The following DIPK1A variants were observed in gnomAD, a reference collection of about 807,000 sequenced individuals.
The protein encoded by DIPK1A is family with sequence similarity 69 member A.
DIPK1A carries 27 observed loss-of-function variants against 40.8 expected under a neutral mutation model. The observed-to-expected ratio is 0.66, with a 90% confidence interval of 0.49 to 0.91. The LOEUF (loss-of-function observed/expected upper bound fraction) is 0.91. Among genes scored for constraint, DIPK1A ranks in the 40% least tolerant of loss-of-function variants. The pLI, the probability that DIPK1A is intolerant of heterozygous loss-of-function variation, is 0.00. For missense variants in DIPK1A, 412 were observed against 505.7 expected (o/e 0.81, Z 1.78); for synonymous variants, 166 against 171.3 (o/e 0.97, Z 0.24).
chr1:92,911,906 A>C (rs185510066), intron 1 of DIPK1A, among the ~76,000 whole-genome samples: 17 of 151,216 alleles, frequency 1.1e-4, no homozygotes, highest in Middle Eastern at 3.4e-3. Flanking sequence ...TGGGAGGCTA[A>C]GGCACAAGAA....
chr1:92,887,194 A>T (rs1648649116), intron 1 of DIPK1A, among the ~76,000 whole-genome samples: 1 of 149,124 alleles, frequency 6.7e-6, no homozygotes, highest in Non-Finnish European at 1.5e-5. Context: ...AAGCAGGAGG[A>T]TCACTTGAGC....
intron 1 of DIPK1A, among the ~76,000 whole-genome samples, chr1:92,946,195 G>A (rs1651355732): frequency 6.6e-6 from 1 of 152,142 alleles, no homozygotes; most frequent in Non-Finnish European, 1.5e-5. Context: ...ATAAGCTGCA[G>A]ACAATGGGTT....
intron 1 of DIPK1A, among the ~76,000 whole-genome samples, chr1:92,879,116 G>C (rs1184622105): frequency 6.7e-6 from 1 of 149,400 alleles, no homozygotes; most frequent in Admixed American, 6.7e-5. Flanking sequence ...GGAGGCAGAG[G>C]TTGCAGTGAG....
intron 1 of DIPK1A, among the ~76,000 whole-genome samples, chr1:92,958,024 T>C (rs913761816): frequency 6.6e-5 from 10 of 152,234 alleles, no homozygotes; most frequent in African/African-American, 2.4e-4. Context: ...TTAAGGTTCA[T>C]CCATGTTACA....
chr1:92,950,153 A>C lies in DIPK1A; in HGVS notation c.54+11223T>G, dbSNP rs374775079. Among the ~76,000 whole-genome samples the C allele has an allele frequency of 6.8e-4, 104 of 152,308 alleles. 1 individual carries two copies. The highest frequency in any genetic ancestry group is 3.4e-3 in the Middle Eastern group (1 of 294). On this transcript the variant is annotated intron_variant, in intron 1 of 4. Transcript: ENST00000370310. ...AAGGTCACTTCCTCTTTGAGTTGAG[A>C]CTTAAAGGACAAGTAAAAAAAAGAC...
In DIPK1A at chr1:92,843,455, C is replaced by T. The variant is rs1299915754; in HGVS notation, c.1215G>A (p.Met405Ile). Residue 405 changes from methionine to isoleucine, a missense_variant, in exon 5 of 5, where the codon ATG (methionine) becomes ATA (isoleucine). Physicochemically the swap from Met to Ile is conservative, Grantham distance 10 (BLOSUM62 1). Transcript: ENST00000370310. ...GGTTATTTAGTATCAAAGAATGTTC[C>T]ATTTCCATTTGATTTGCTGTGACTT... Reference protein sequence around the residue: ...ALKVTANQMEMEHSLILNNLK... With the variant: ...ALKVTANQMEIEHSLILNNLK... 1.3e-6 allele frequency: 2 copies of T among 1,551,038 alleles called. No homozygotes were observed. Among genetic ancestry groups the T allele is most frequent in the Non-Finnish European group, 1.7e-6 (2 of 1,146,598 alleles).
intron 4 of DIPK1A, among the ~76,000 whole-genome samples, chr1:92,846,825 A>ATATATATATGTGTG (rs1557449822): frequency 1.1e-3 from 6 of 5,528 alleles, no homozygotes; most frequent in African/African-American, 7.8e-3. Context: ...ATATATATAT[A>ATATATATATGTGTG]TATATATATA....
intron 2 of DIPK1A, among the ~76,000 whole-genome samples, chr1:92,870,376 C>T (rs537188781): frequency 1.3e-5 from 2 of 152,276 alleles, no homozygotes; most frequent in African/African-American, 4.8e-5. Context: ...CAGGCACCCA[C>T]CACCATGCCC....
At chr1:92,902,754 C>T (rs962883966) in intron 1 of DIPK1A, among the ~76,000 whole-genome samples, 10 of 152,138 alleles carry the variant, frequency 6.6e-5, no homozygotes, top group African/African-American at 2.2e-4. Flanking sequence ...ATGATGTTGC[C>T]TTCCGTTCTC....
chr1:92,836,412 C>T lies in DIPK1A; in HGVS notation c.475-3378G>A, dbSNP rs371513743. 5.5e-5 allele frequency: 89 copies of T among 1,606,068 alleles called. No individual in the cohort carries two copies. The highest frequency in any genetic ancestry group is 6.8e-5 in the Non-Finnish European group (80 of 1,172,894). ...TCACAGGTAAGAATACTATTTAAGA[C>T]CTTGGTGCCTGGACCGTGGTACTTC... is the stretch of plus-strand genomic sequence containing the variant. On this transcript the variant is annotated intron_variant, in intron 4 of 4. Transcript: ENST00000615519.
chr1:92,841,135 A>C (rs1285498076), downstream of DIPK1A, among the ~76,000 whole-genome samples: 1 of 152,226 alleles, frequency 6.6e-6, no homozygotes, highest in Non-Finnish European at 1.5e-5. Flanking sequence ...ACTAAAAACA[A>C]AATCATACTC....
intron 1 of DIPK1A, among the ~76,000 whole-genome samples, chr1:92,926,051 T>C (rs1375140983): frequency 6.6e-6 from 1 of 152,192 alleles, no homozygotes; most frequent in Non-Finnish European, 1.5e-5. Flanking sequence ...ATTGTCTCTG[T>C]TGTCTATTTT....
At chr1:92,941,136 A>AT (rs1267412444) in intron 1 of DIPK1A, among the ~76,000 whole-genome samples, 2 of 152,144 alleles carry the variant, frequency 1.3e-5, no homozygotes, top group African/African-American at 4.8e-5. Context: ...AAATTTATCA[A>AT]TTTTTCCTTT....
In DIPK1A at chr1:92,843,161, C is replaced by A; in HGVS notation, c.*222G>T. ...AAATAGTTACACAATGAATGTACTT[C>A]GGAGATGTAACAGGGCTTCTAAAAG... On this transcript the variant is annotated 3_prime_UTR_variant, in exon 5 of 5. Coordinates refer to ENST00000370310, the MANE Select transcript of DIPK1A (RefSeq NM_001006605.5). 2.3e-6 allele frequency: 3 copies of A among 1,279,806 alleles called. No homozygotes were observed. Among genetic ancestry groups the A allele is most frequent in the Non-Finnish European group, 3.0e-6 (3 of 1,008,666 alleles). 79.3% of individuals were successfully genotyped at this position (1,279,806 alleles called of 1,614,324 possible). A position where few individuals can be genotyped will look rare whatever the true frequency, so the allele number is the denominator to read the frequency against.
Position 92,961,405 on chromosome 1 carries a change from C to A in DIPK1A, c.25G>T (p.Ala9Ser). The A allele has an allele frequency of 6.5e-7, 1 of 1,530,876 alleles. No homozygotes were observed. Among genetic ancestry groups the A allele is most frequent in the Non-Finnish European group, 8.8e-7 (1 of 1,136,920 alleles). 94.8% of individuals were successfully genotyped at this position (1,530,876 alleles called of 1,614,324 possible). MARSLCPG[A>S]WLRKPYYLQA... ...AGGTAATAGGGTTTCCTTAGCCAGG[C>A]CCCCGGACAGAGACTCCTCGCCATG... The change falls in exon 1 of 5, where the codon GCC becomes TCC. Residue 9 changes from alanine (A) to serine (S), a missense_variant. Coordinates refer to ENST00000370310, the MANE Select transcript of DIPK1A (RefSeq NM_001006605.5).
exon 5 of DIPK1A, chr1:92,832,794 CAGT>C (rs1331536122): frequency 1.8e-6 from 1 of 548,976 alleles, no homozygotes; most frequent in African/African-American, 1.9e-5. Context: ...TGATGGGGAA[CAGT>C]GCTGTTTTAG....
At chr1:92,926,395 TC>T (rs1430258924) in intron 1 of DIPK1A, among the ~76,000 whole-genome samples, 1 of 152,260 alleles carries the variant, frequency 6.6e-6, no homozygotes, top group African/African-American at 2.4e-5. Flanking sequence ...ATCTCAATCT[TC>T]TAAAACTTAT....
In DIPK1A at chr1:92,849,893, C is replaced by T. The variant is rs143439102; in HGVS notation, c.297+955G>A. On this transcript the variant is annotated intron_variant, in intron 3 of 4. Coordinates refer to ENST00000370310, the MANE Select transcript of DIPK1A (RefSeq NM_001006605.5). ...TAGGCCTCAAACTCCTGGACTAAAG[C>T]AATCCACCCACCTTGGCCTCCTGAA... is the stretch of plus-strand genomic sequence containing the variant. 1.6e-4 allele frequency among the ~76,000 whole-genome samples: 24 copies of T among 152,234 alleles called. No individual in the cohort carries two copies. The East Asian group carries it at 4.6e-3, about 29-fold the overall frequency.
downstream of DIPK1A, among the ~76,000 whole-genome samples, chr1:92,839,030 GC>G (rs1687233599): frequency 3.2e-5 from 4 of 125,172 alleles, no homozygotes; most frequent in Non-Finnish European, 6.8e-5. Context: ...GAGAGTTGCA[GC>G]TTTTTTTTTT....
Sources: gnomAD v4.1 joint callset for allele counts (sites outside exome capture counted in the v4.1 genomes callset) on GRCh38, gnomAD v4.1.1 for gene constraint, MANE v1.5 for transcripts, NCBI Gene and HGNC (gene_info 2026-07-23, HGNC 2026-07-21) for gene names.